PPFIA2: variants seen among roughly 807,000 people sequenced by gnomAD.
PPFIA2 encodes the protein liprin-alpha-2.
Under a neutral mutation model 175.5 loss-of-function variants are expected in PPFIA2, and 46 were observed. The ratio of observed to expected loss-of-function variants is 0.26; its 90% CI spans 0.21 to 0.34. The LOEUF (loss-of-function observed/expected upper bound fraction) is 0.34. Ranked by LOEUF, PPFIA2 falls within the 10% of genes least tolerant of loss-of-function variation. The probability of loss-of-function intolerance (pLI) is 1.00; values close to 1 mark genes in which losing one functional copy is unlikely to be tolerated. For missense variants in PPFIA2, 1,179 were observed against 1,506.1 expected, an observed-to-expected ratio of 0.78 and a Z score of 3.60; for synonymous variants, 568 against 511.4, an observed-to-expected ratio of 1.11 and a Z score of -1.49.
At chr12:81,540,880 T>C (rs2066103574) in intron 4 of PPFIA2, among the ~76,000 whole-genome samples, 1 of 152,144 alleles carries the variant, frequency 6.6e-6, no homozygotes, top group African/African-American at 2.4e-5. Context: ...CTATATTATA[T>C]TTAGATCTCT....
At chr12:81,292,627 A>G (rs984592055) in intron 24 of PPFIA2, 5 of 152,278 alleles carry the variant, frequency 3.3e-5, no homozygotes, top group African/African-American at 1.2e-4. Flanking sequence ...TATAAAACAC[A>G]TAATACATGC....
intron 4 of PPFIA2, among the ~76,000 whole-genome samples, chr12:81,511,124 A>C (rs1241590582): frequency 6.6e-6 from 1 of 152,140 alleles, no homozygotes; most frequent in African/African-American, 2.4e-5. Context: ...AAGCAAAGCA[A>C]TGAAAGCTGA....
intron 7 of PPFIA2, 80 bp from the exon 8 acceptor site, chr12:81,405,983 G>T (rs1351058094): frequency 1.1e-5 from 8 of 736,146 alleles, no homozygotes; most frequent in Non-Finnish European, 1.8e-5. Flanking sequence ...CTTCAATGTG[G>T]TTAAGAACTA....
chr12:81,707,975 C>G (rs1411313852), intron 3 of PPFIA2, among the ~76,000 whole-genome samples: 18 of 137,894 alleles, frequency 1.3e-4, no homozygotes, highest in South Asian at 4.5e-4. Flanking sequence ...TGAACAATGA[C>G]AACACATGGA....
intron 21 of PPFIA2, 40 bp from the exon 22 acceptor site, chr12:81,325,910 T>C: frequency 6.4e-6 from 9 of 1,410,440 alleles, no homozygotes; most frequent in South Asian, 1.2e-5. Context: ...TTATGTTGCA[T>C]AGGTTGTGTC....
chr12:81,369,779 A>G (rs764900525), intron 11 of PPFIA2, among the ~76,000 whole-genome samples: 4 of 151,800 alleles, frequency 2.6e-5, no homozygotes, highest in Non-Finnish European at 2.9e-5. Context: ...ACCAAACAGA[A>G]CATAGCACAG....
At chr12:81,316,462 T>C (rs1488950978) in intron 22 of PPFIA2, among the ~76,000 whole-genome samples, 1 of 151,642 alleles carries the variant, frequency 6.6e-6, no homozygotes, top group Non-Finnish European at 1.5e-5. Context: ...TAAGTTTTAC[T>C]GGAATGAATA....
At chr12:81,598,000 G>A (rs950005616) in intron 4 of PPFIA2, 8 of 1,535,060 alleles carry the variant, frequency 5.2e-6, no homozygotes, top group East Asian at 2.4e-5. Flanking sequence ...CTTTAGGGGA[G>A]CCAGAAACGG....
intron 3 of PPFIA2, among the ~76,000 whole-genome samples, chr12:81,753,692 C>T (rs1256872414): frequency 6.6e-6 from 1 of 152,132 alleles, no homozygotes; most frequent in Non-Finnish European, 1.5e-5. Flanking sequence ...AGCTGATCCA[C>T]AAGTGGTTTT....
intron 7 of PPFIA2, among the ~76,000 whole-genome samples, chr12:81,436,254 C>T (rs150699604): frequency 0.099 from 12,078 of 122,504 alleles, 744 homozygotes; most frequent in Middle Eastern, 0.24. Context: ...GCACTCCAGC[C>T]TGGGCAACAG....
intron 3 of PPFIA2, among the ~76,000 whole-genome samples, chr12:81,726,091 C>G (rs1023977349): frequency 6.6e-6 from 1 of 151,142 alleles, no homozygotes; most frequent in Non-Finnish European, 1.5e-5. Context: ...CCACCAACTC[C>G]CCAATCACAT....
At chr12:81,289,530 T>G (rs1251382115) in intron 24 of PPFIA2, among the ~76,000 whole-genome samples, 2 of 151,858 alleles carry the variant, frequency 1.3e-5, no homozygotes, top group Admixed American at 1.3e-4. Flanking sequence ...AGGCAAATCT[T>G]GAATGAAACA....
intron 4 of PPFIA2, among the ~76,000 whole-genome samples, chr12:81,577,329 T>C (rs774482790): frequency 5.9e-5 from 9 of 151,888 alleles, no homozygotes; most frequent in Non-Finnish European, 1.0e-4. Context: ...TTTGGATTGG[T>C]TCCCTCCTGT....
intron 4 of PPFIA2, among the ~76,000 whole-genome samples, chr12:81,458,826 C>G (rs1440756390): frequency 1.3e-5 from 2 of 151,984 alleles, no homozygotes; most frequent in African/African-American, 2.4e-5. Context: ...TCACCAAACC[C>G]TTTAGAGTGA....
At chr12:81,661,484 A>G (rs1396507963) in intron 4 of PPFIA2, among the ~76,000 whole-genome samples, 1 of 152,238 alleles carries the variant, frequency 6.6e-6, no homozygotes, top group Non-Finnish European at 1.5e-5. Flanking sequence ...GGATCAATTC[A>G]ACAAGAAGAG....
chr12:81,511,679 C>T (rs1362294871), intron 4 of PPFIA2, among the ~76,000 whole-genome samples: 1 of 152,002 alleles, frequency 6.6e-6, no homozygotes, highest in Non-Finnish European at 1.5e-5. Flanking sequence ...GTATATGGAA[C>T]ATAATCAATG....
chr12:81,729,866 T>C (rs1300091462), intron 3 of PPFIA2, among the ~76,000 whole-genome samples: 1 of 151,506 alleles, frequency 6.6e-6, no homozygotes, highest in Non-Finnish European at 1.5e-5. Flanking sequence ...TTGCCCACCA[T>C]AGCCAGTAAG....
chr12:81,493,421 G>A (rs113284052), intron 4 of PPFIA2, among the ~76,000 whole-genome samples: 1 of 152,028 alleles, frequency 6.6e-6, no homozygotes, highest in African/African-American at 2.4e-5. Context: ...GGCTATTACA[G>A]GGATGGGAAA....
intron 4 of PPFIA2, among the ~76,000 whole-genome samples, chr12:81,542,032 A>G (rs1331398553): frequency 6.6e-6 from 1 of 152,142 alleles, no homozygotes; most frequent in Non-Finnish European, 1.5e-5. Context: ...ACTTCCAAAA[A>G]AAAAAAAATG....
Sources: gnomAD v4.1 joint callset for allele counts (sites outside exome capture counted in the v4.1 genomes callset) on GRCh38, gnomAD v4.1.1 for gene constraint, MANE v1.5 for transcripts, NCBI Gene and HGNC (gene_info 2026-07-23, HGNC 2026-07-21) for gene names.